UTP4: variants seen among roughly 807,000 people sequenced by gnomAD.
UTP4 encodes the protein U3 small nucleolar RNA-associated protein 4 homolog.
In UTP4, 45 loss-of-function variants were observed where a neutral mutation model predicts 82.4. That is an observed-to-expected ratio of 0.55 (90% confidence interval 0.43 to 0.70). The LOEUF is 0.70. Ranked by LOEUF, UTP4 falls within the 30% of genes least tolerant of loss-of-function variation. The pLI, the probability that UTP4 is intolerant of heterozygous loss-of-function variation, is 0.00. For missense variants in UTP4, 819 were observed against 858.3 expected (o/e 0.95, Z 0.57); for synonymous variants, 348 against 300.3 (o/e 1.16, Z -1.64).
At chr16:69,167,681 A>G (rs934960672) in intron 16 of UTP4, 8 of 148,100 alleles carry the variant, frequency 5.4e-5, no homozygotes, top group African/African-American at 1.9e-4. Context: ...TGATTACTCA[A>G]ATGACTCAAA....
intron 6 of UTP4, among the ~76,000 whole-genome samples, chr16:69,147,196 T>C (rs759965098): frequency 5.6e-4 from 80 of 141,958 alleles, no homozygotes; most frequent in Non-Finnish European, 8.9e-4. Context: ...ATAATAATAA[T>C]AATAATAATA....
chr16:69,163,683 T>G (rs1307866129), intron 14 of UTP4, among the ~76,000 whole-genome samples: 2 of 137,694 alleles, frequency 1.5e-5, no homozygotes, highest in African/African-American at 5.6e-5. Context: ...AAGGAGATCT[T>G]TAAAAAAAAA....
At chr16:69,150,356 T>C (rs1179533920) in intron 6 of UTP4, among the ~76,000 whole-genome samples, 181 bp from the exon 7 acceptor site, 1 of 152,196 alleles carries the variant, frequency 6.6e-6, no homozygotes, top group Non-Finnish European at 1.5e-5. Context: ...TTGTTACCAG[T>C]GTCTGAGCTT....
intron 13 of UTP4, 94 bp from the exon 14 acceptor site, chr16:69,162,989 G>A (rs1280629117): frequency 3.2e-6 from 3 of 938,884 alleles, no homozygotes. Context: ...GAATTATGAG[G>A]AGCAGTATTT....
At chr16:69,151,846 C>G (rs901440780) in intron 8 of UTP4, among the ~76,000 whole-genome samples, 2 of 151,324 alleles carry the variant, frequency 1.3e-5, no homozygotes, top group African/African-American at 4.9e-5. Flanking sequence ...AGGGTAGGCT[C>G]TATTCTGGGT....
chr16:69,153,641 C>G lies in UTP4; in HGVS notation c.1060C>G (p.His354Asp). Residue 354 changes from histidine to aspartate, a missense_variant, in exon 9 of 17, where the codon CAC (histidine) becomes GAC (aspartate). His to Asp is a moderately conservative substitution (Grantham distance 81). Transcript: ENST00000314423. ...RQLLLFQFAH[H>D]LELWRLGSTV... is the part of the protein sequence containing the mutation. ...GCTTCTCCTCTTCCAGTTTGCTCATCACTTAGAACTTTGGCGACTGGGATC... is the reference window on the plus strand; with the variant it reads ...GCTTCTCCTCTTCCAGTTTGCTCATGACTTAGAACTTTGGCGACTGGGATC... 1 of 1,613,526 alleles carries G rather than the reference C, an allele frequency of 6.2e-7. No homozygotes were observed. The highest frequency in any genetic ancestry group is 8.5e-7 in the Non-Finnish European group (1 of 1,179,782).
chr16:69,139,517 T>C (rs1290361893), intron 4 of UTP4, among the ~76,000 whole-genome samples: 1 of 151,654 alleles, frequency 6.6e-6, no homozygotes, highest in African/African-American at 2.4e-5. Flanking sequence ...CAGGTGCCTG[T>C]AATCTCAGCT....
At chr16:69,146,020 C>T (rs929730784) in intron 6 of UTP4, among the ~76,000 whole-genome samples, 5 of 150,668 alleles carry the variant, frequency 3.3e-5, no homozygotes, top group Non-Finnish European at 5.9e-5. Flanking sequence ...TCAAGCAGTT[C>T]AACCCGGGAG....
intron 6 of UTP4, among the ~76,000 whole-genome samples, chr16:69,149,345 A>C (rs530739138): frequency 5.3e-5 from 8 of 151,974 alleles, no homozygotes; most frequent in Non-Finnish European, 1.2e-4. Context: ...GCGCCATTGC[A>C]CTCCAGCCTG....
chr16:69,165,646 C>A (rs759681530), intron 15 of UTP4, 120 bp downstream of exon 15: 1 of 838,004 alleles, frequency 1.2e-6, no homozygotes, highest in Non-Finnish European at 2.0e-6. Context: ...AATCAGAATA[C>A]AGGTAGCTAG....
At position 69,165,463 on chromosome 16, in the gene UTP4, C is replaced by G; in HGVS notation, c.1770C>G (p.Pro590=). The change falls in exon 15 of 17, where the codon CCC becomes CCG. Residue 590 remains proline, a synonymous_variant. Coordinates refer to ENST00000314423, the MANE Select transcript of UTP4 (RefSeq NM_032830.3). ...DTPITHISFH[P]KRPMHILLHD... Reference sequence around the variant, plus strand: ...CTATCACACACATCAGTTTTCATCCCAAGAGACCGATGCACATCCTTCTCC... The same window carrying G: ...CTATCACACACATCAGTTTTCATCCGAAGAGACCGATGCACATCCTTCTCC... 1 of 1,614,086 alleles carries G rather than the reference C, an allele frequency of 6.2e-7. No homozygotes were observed. The highest frequency in any genetic ancestry group is 8.5e-7 in the Non-Finnish European group (1 of 1,179,962).
intron 6 of UTP4, among the ~76,000 whole-genome samples, chr16:69,149,602 A>G (rs1193275913): frequency 6.6e-6 from 1 of 152,172 alleles, no homozygotes; most frequent in African/African-American, 2.4e-5. Context: ...TATGTTGTGC[A>G]GACTGGTCTC....
chr16:69,150,670 G>T lies in UTP4; in HGVS notation c.872G>T (p.Arg291Leu). 6 of 1,614,212 alleles carry T rather than the reference G, an allele frequency of 3.7e-6. No individual in the cohort carries two copies. The highest frequency in any genetic ancestry group is 5.1e-6 in the Non-Finnish European group (6 of 1,180,038). Residue 291 changes from arginine to leucine, a missense_variant, in exon 7 of 17, where the codon CGC becomes CTC. By Grantham distance (102) the Arg-to-Leu change is moderately radical. Coordinates refer to ENST00000314423, the MANE Select transcript of UTP4 (RefSeq NM_032830.3). The part of the protein sequence containing the change: ...KPFQHHTHDV[R>L]TVAHSPTALI... ...TTCCAGCATCACACTCATGACGTGC[G>T]CACTGTGGCCCACAGCCCAACAGCG...
At chr16:69,152,222 A>G (rs1963290779) in intron 8 of UTP4, among the ~76,000 whole-genome samples, 1 of 151,760 alleles carries the variant, frequency 6.6e-6, no homozygotes, top group Non-Finnish European at 1.5e-5. Context: ...TAGCTTCTTA[A>G]TCATGTCCTT....
At chr16:69,149,035 C>T (rs961757838) in intron 6 of UTP4, among the ~76,000 whole-genome samples, 1 of 151,700 alleles carries the variant, frequency 6.6e-6, no homozygotes, top group African/African-American at 2.4e-5. Context: ...CACCTGAGGT[C>T]AGGAGTTTGA....
intron 5 of UTP4, among the ~76,000 whole-genome samples, chr16:69,141,460 T>C (rs778430269): frequency 6.6e-5 from 10 of 152,232 alleles, no homozygotes; most frequent in Admixed American, 2.0e-4. Flanking sequence ...CTGAGAGTTA[T>C]CCCTTTGTGT....
At position 69,136,905 on chromosome 16, in the gene UTP4, G is replaced by A. The variant is rs1962828361; in HGVS notation, c.351+18G>A. ...AACTTTTGGTTAGTAAGCAACTATTGGTAATTCAAACCAAAATTTCTCTCG... is the reference window on the plus strand; with the variant it reads ...AACTTTTGGTTAGTAAGCAACTATTAGTAATTCAAACCAAAATTTCTCTCG... On this transcript the variant is annotated intron_variant, in intron 3 of 16. Transcript: ENST00000314423. 6.2e-7 allele frequency: 1 copy of A among 1,613,050 alleles called. No homozygotes were observed. The highest frequency in any genetic ancestry group is 1.3e-5 in the African/African-American group (1 of 74,866).
intron 6 of UTP4, among the ~76,000 whole-genome samples, chr16:69,144,813 T>G (rs953730022): frequency 4.0e-5 from 6 of 151,890 alleles, no homozygotes; most frequent in African/African-American, 1.5e-4. Flanking sequence ...AAAAATAGAG[T>G]TTTAATCCAC....
intron 14 of UTP4, among the ~76,000 whole-genome samples, chr16:69,164,988 G>A (rs1308458712): frequency 6.6e-6 from 1 of 152,132 alleles, no homozygotes; most frequent in Non-Finnish European, 1.5e-5. Flanking sequence ...GAGGTCAGGA[G>A]ATCAAGACCA....
Sources: gnomAD v4.1 joint callset for allele counts (sites outside exome capture counted in the v4.1 genomes callset) on GRCh38, gnomAD v4.1.1 for gene constraint, MANE v1.5 for transcripts, NCBI Gene and HGNC (gene_info 2026-07-23, HGNC 2026-07-21) for gene names.